USH2A: variants seen among roughly 807,000 people sequenced by gnomAD.
The protein encoded by USH2A is Usher syndrome 2A (autosomal recessive, mild).
USH2A carries 443 observed loss-of-function variants against 538.9 expected under a neutral mutation model. That is an observed-to-expected ratio of 0.82 (90% CI 0.76 to 0.89). The LOEUF is 0.89. Ranked by LOEUF, USH2A falls within the 40% of genes least tolerant of loss-of-function variation. The probability of loss-of-function intolerance (pLI) is 0.00; values close to 1 mark genes in which losing one functional copy is unlikely to be tolerated. For synonymous variants in USH2A, 2,413 were observed against 2,273.5 expected (o/e 1.06, Z -1.75); for missense variants, 6,633 against 6,324.8 (o/e 1.05, Z -1.65).
intron 44 of USH2A, among the ~76,000 whole-genome samples, chr1:215,862,276 A>T (rs939047586): frequency 2.6e-5 from 4 of 152,228 alleles, no homozygotes; most frequent in African/African-American, 4.8e-5. Context: ...GACATGGATG[A>T]AGCTGGAAAC....
intron 30 of USH2A, among the ~76,000 whole-genome samples, chr1:216,057,116 G>C (rs1475855881): frequency 6.6e-6 from 1 of 151,828 alleles, no homozygotes; most frequent in Non-Finnish European, 1.5e-5. Context: ...AATTCTTATT[G>C]CATAAAATAA....
chr1:215,928,196 T>A (rs1161251992), intron 38 of USH2A, among the ~76,000 whole-genome samples: 4 of 152,066 alleles, frequency 2.6e-5, no homozygotes, highest in South Asian at 2.1e-4. Context: ...GATTTTTTTT[T>A]AAATCACCTA....
In USH2A at chr1:215,977,951, C is replaced by A. The variant is rs1233171780; in HGVS notation, c.6806-7175G>T. Among the ~76,000 whole-genome samples, 4 of 152,110 alleles carry A rather than the reference C, an allele frequency of 2.6e-5. No individual in the cohort carries two copies. In the East Asian group the frequency reaches 7.7e-4, roughly 29 times the overall value. Reference sequence around the variant, plus strand: ...GACCAGCCTGAGCAATGTGGCAAAGCCCTGTCTCTACAAAAAATGCAAAAA... The same window carrying A: ...GACCAGCCTGAGCAATGTGGCAAAGACCTGTCTCTACAAAAAATGCAAAAA... On this transcript the variant is annotated intron_variant, in intron 35 of 71. Coordinates refer to ENST00000307340, the MANE Select transcript of USH2A (RefSeq NM_206933.4).
At chr1:216,115,945 T>C (rs554724157) in intron 21 of USH2A, among the ~76,000 whole-genome samples, 12 of 151,920 alleles carry the variant, frequency 7.9e-5, no homozygotes, top group Non-Finnish European at 1.6e-4. Flanking sequence ...TTTACCTTCA[T>C]ACCTTGTAAA....
rs765639070 is a variant in USH2A at position 216,292,217 on chromosome 1, C to T, written c.1798G>A (p.Gly600Arg). The change falls in exon 10 of 72, where the codon GGG becomes AGG. Residue 600 changes from glycine to arginine, a missense_variant. Physicochemically the swap from Gly to Arg is moderately radical, Grantham distance 125. Transcript: ENST00000307340. ...VDPFPFEHFR[G>R]GGGVCDDCEH... ...CAATCATCACAAACTCCTCCTCCCC[C>T]TCTGAAGTGCTCAAAAGGAAATGGG... 5.0e-6 allele frequency: 8 copies of T among 1,614,132 alleles called. No homozygotes were observed. The highest frequency in any genetic ancestry group is 6.8e-6 in the Non-Finnish European group (8 of 1,179,982).
intron 37 of USH2A, among the ~76,000 whole-genome samples, chr1:215,953,383 G>C (rs569943350): frequency 3.0e-4 from 46 of 152,186 alleles, no homozygotes; most frequent in African/African-American, 1.0e-3. Context: ...CCAATAGAAT[G>C]GAACAGAGCC....
At chr1:216,119,289 AG>A (rs1184073201) in intron 21 of USH2A, among the ~76,000 whole-genome samples, 4 of 152,162 alleles carry the variant, frequency 2.6e-5, no homozygotes, top group African/African-American at 9.7e-5. Context: ...AAAACATTAG[AG>A]GTAAATGATT....
intron 61 of USH2A, among the ~76,000 whole-genome samples, chr1:215,689,942 T>C (rs1357874259): frequency 6.6e-6 from 1 of 152,256 alleles, no homozygotes; most frequent in African/African-American, 2.4e-5. Flanking sequence ...TTTAAGCTAC[T>C]AAGTTTGTTG....
chr1:215,629,906 G>C (rs553757394), intron 70 of USH2A: 1 of 307,932 alleles, frequency 3.2e-6, no homozygotes, highest in South Asian at 2.8e-5. Context: ...CTCCCGAGTA[G>C]CTGGGACTAC....
intron 21 of USH2A, among the ~76,000 whole-genome samples, chr1:216,135,985 T>A (rs1208115206): frequency 2.0e-5 from 3 of 152,066 alleles, no homozygotes; most frequent in Non-Finnish European, 4.4e-5. Flanking sequence ...TCTTAAGTAT[T>A]TTATGTGATT....
At chr1:215,696,217 A>G (rs947450685) in intron 61 of USH2A, among the ~76,000 whole-genome samples, 2 of 152,234 alleles carry the variant, frequency 1.3e-5, no homozygotes, top group African/African-American at 4.8e-5. Context: ...TAAGAAAATC[A>G]TAAGGAAGAG....
rs569608991 is a variant in USH2A at position 215,682,043 on chromosome 1, C to T, written c.12067-1667G>A. Among the ~76,000 whole-genome samples the T allele has an allele frequency of 9.9e-5, 15 of 152,212 alleles. No individual in the cohort carries two copies. In the South Asian group the frequency reaches 2.1e-3, roughly 21 times the overall value. On this transcript the variant is annotated intron_variant, in intron 61 of 71. Coordinates refer to ENST00000307340, the MANE Select transcript of USH2A (RefSeq NM_206933.4). ...CCTTTTAGATAAATATAGCACAGAA[C>T]TAGAATGACCATAATGAATATTAAA... is the stretch of plus-strand genomic sequence containing the variant.
chr1:216,305,576 T>C (rs984014682), intron 9 of USH2A, among the ~76,000 whole-genome samples: 3 of 151,288 alleles, frequency 2.0e-5, no homozygotes, highest in African/African-American at 7.4e-5. Flanking sequence ...GAATGCTTTT[T>C]TTTAAATTGT....
intron 60 of USH2A, among the ~76,000 whole-genome samples, chr1:215,733,743 C>A (rs76759870): frequency 6.4e-4 from 97 of 152,324 alleles, no homozygotes; most frequent in African/African-American, 2.2e-3. Context: ...AGACATTAAA[C>A]CTTAAAGCTC....
intron 21 of USH2A, among the ~76,000 whole-genome samples, chr1:216,126,235 T>G (rs2033252017): frequency 6.6e-6 from 1 of 151,888 alleles, no homozygotes; most frequent in African/African-American, 2.4e-5. Context: ...TTGTTTTTGT[T>G]TTTTTTGAGA....
At chr1:215,894,294 T>C (rs78814877) in intron 40 of USH2A, among the ~76,000 whole-genome samples, 3,366 of 152,304 alleles carry the variant, frequency 0.022, 55 homozygotes, top group East Asian at 0.064. Context: ...GTAGAATGAT[T>C]TTAAGGATGC....
chr1:216,303,502 G>A (rs997074166), intron 9 of USH2A, among the ~76,000 whole-genome samples: 4 of 151,562 alleles, frequency 2.6e-5, no homozygotes, highest in Non-Finnish European at 5.9e-5. Context: ...TGGTATACAA[G>A]GTATTTGATT....
chr1:215,706,098 T>C (rs1328753438), intron 61 of USH2A, among the ~76,000 whole-genome samples: 1 of 152,180 alleles, frequency 6.6e-6, no homozygotes, highest in African/African-American at 2.4e-5. Context: ...TCGAAGCACA[T>C]TGTCCATGGT....
chr1:215,649,110 G>T (rs548772640), intron 65 of USH2A, among the ~76,000 whole-genome samples: 2 of 152,320 alleles, frequency 1.3e-5, no homozygotes, highest in Non-Finnish European at 2.9e-5. Flanking sequence ...GACCCTCAGA[G>T]TGATGTCTTT....
Sources: gnomAD v4.1 joint callset for allele counts (sites outside exome capture counted in the v4.1 genomes callset) on GRCh38, gnomAD v4.1.1 for gene constraint, MANE v1.5 for transcripts, NCBI Gene and HGNC (gene_info 2026-07-23, HGNC 2026-07-21) for gene names.